The following HECW1 variants were observed in gnomAD, a reference collection of about 807,000 sequenced individuals.
The protein encoded by HECW1 is HECT, C2 and WW domain containing E3 ubiquitin protein ligase 1.
HECW1 carries 61 observed loss-of-function variants against 182.3 expected under a neutral mutation model. That is an observed-to-expected ratio of 0.33 (90% CI 0.27 to 0.41). HECW1 has a LOEUF of 0.41. Ranked by LOEUF, HECW1 falls within the 10% of genes least tolerant of loss-of-function variation. The probability of loss-of-function intolerance (pLI) is 1.00; values close to 1 mark genes in which losing one functional copy is unlikely to be tolerated. For missense variants in HECW1, 1,739 were observed against 2,108.9 expected (o/e 0.82, Z 3.44); for synonymous variants, 859 against 832.6 (o/e 1.03, Z -0.55).
At chr7:43,412,813 A>C (rs1312342377) in intron 8 of HECW1, among the ~76,000 whole-genome samples, 1 of 151,004 alleles carries the variant, frequency 6.6e-6, no homozygotes, top group Non-Finnish European at 1.5e-5. Flanking sequence ...ATAGTATTCC[A>C]TGGTGTATAA....
intron 2 of HECW1, among the ~76,000 whole-genome samples, chr7:43,134,361 T>A (rs1787289508): frequency 8.5e-6 from 1 of 117,096 alleles, no homozygotes; most frequent in Non-Finnish European, 1.6e-5. Context: ...ACCATTGCAC[T>A]CCAGTGTGGG....
intron 5 of HECW1, among the ~76,000 whole-genome samples, chr7:43,348,362 T>G (rs1424221783): frequency 6.6e-6 from 1 of 152,202 alleles, no homozygotes; most frequent in African/African-American, 2.4e-5. Flanking sequence ...TTGTAATATC[T>G]CCTGTTTCAT....
At chr7:43,556,049 C>A (rs969016333) in intron 29 of HECW1, among the ~76,000 whole-genome samples, 56 of 152,148 alleles carry the variant, frequency 3.7e-4, no homozygotes, top group African/African-American at 1.3e-3. Flanking sequence ...TGGGAACCTG[C>A]AATCTAGGGA....
At chr7:43,145,297 C>G (rs1788581918) in intron 2 of HECW1, among the ~76,000 whole-genome samples, 1 of 152,094 alleles carries the variant, frequency 6.6e-6, no homozygotes, top group African/African-American at 2.4e-5. Context: ...TTCCTTCTTT[C>G]ATACACGTAT....
chr7:43,336,152 C>CTCTCTCTCTCTCTCTT (rs1812231684), intron 5 of HECW1, among the ~76,000 whole-genome samples: 1 of 64,136 alleles, frequency 1.6e-5, no homozygotes, highest in African/African-American at 6.8e-5. Flanking sequence ...CTTTCTCTCT[C>CTCTCTCTCTCTCTCTT]TCTCTCTCTC....
chr7:43,172,013 C>T (rs765457201), intron 2 of HECW1, among the ~76,000 whole-genome samples: 6 of 151,798 alleles, frequency 4.0e-5, no homozygotes, highest in Non-Finnish European at 7.4e-5. Flanking sequence ...CACAGTGGCT[C>T]ACATCTGTAA....
At chr7:43,185,277 C>T (rs1793286397) in intron 2 of HECW1, among the ~76,000 whole-genome samples, 1 of 152,146 alleles carries the variant, frequency 6.6e-6, no homozygotes, top group Non-Finnish European at 1.5e-5. Flanking sequence ...TGTGTCTCCT[C>T]CATCTAGCTG....
intron 2 of HECW1, among the ~76,000 whole-genome samples, chr7:43,123,482 A>T (rs1218684106): frequency 6.6e-6 from 1 of 152,184 alleles, no homozygotes. Flanking sequence ...GCCTTTTTCC[A>T]GGGGATCCAG....
At chr7:43,295,627 G>A (rs1464460947) in intron 3 of HECW1, among the ~76,000 whole-genome samples, 1 of 152,180 alleles carries the variant, frequency 6.6e-6, no homozygotes, top group African/African-American at 2.4e-5. Context: ...CCAAGGGGGA[G>A]GGGAGGAGTG....
chr7:43,354,956 T>C (rs186649557), intron 5 of HECW1, among the ~76,000 whole-genome samples: 1 of 151,414 alleles, frequency 6.6e-6, no homozygotes, highest in East Asian at 1.9e-4. Flanking sequence ...CTCCAGTTCA[T>C]CAGGCAGCAG....
intron 29 of HECW1, among the ~76,000 whole-genome samples, chr7:43,556,112 C>G (rs758810293): frequency 5.9e-5 from 9 of 152,140 alleles, no homozygotes; most frequent in Non-Finnish European, 1.3e-4. Context: ...CAGAGGAGCA[C>G]AGGGGGTAAG....
intron 6 of HECW1, among the ~76,000 whole-genome samples, chr7:43,363,015 C>T (rs1359478941): frequency 1.3e-5 from 2 of 152,218 alleles, no homozygotes; most frequent in Non-Finnish European, 2.9e-5. Context: ...ACCTGAAGCA[C>T]TTTTTCTTAT....
chr7:43,219,113 G>T (rs1796722369), intron 2 of HECW1, among the ~76,000 whole-genome samples: 2 of 151,858 alleles, frequency 1.3e-5, no homozygotes, highest in Admixed American at 1.3e-4. Context: ...CTTTTAGTAT[G>T]CAAATACAGG....
At chr7:43,351,371 A>G (rs993338233) in intron 5 of HECW1, among the ~76,000 whole-genome samples, 5 of 152,076 alleles carry the variant, frequency 3.3e-5, no homozygotes, top group African/African-American at 9.7e-5. Flanking sequence ...CTTTCCAGAG[A>G]GTTTCGGCTG....
At chr7:43,315,926 G>A (rs983631048) in intron 4 of HECW1, among the ~76,000 whole-genome samples, 1 of 152,166 alleles carries the variant, frequency 6.6e-6, no homozygotes, top group African/African-American at 2.4e-5. Flanking sequence ...TCTGATGGGT[G>A]TAGGAGACCT....
chr7:43,171,582 A>T (rs1791695512), intron 2 of HECW1, among the ~76,000 whole-genome samples: 1 of 152,202 alleles, frequency 6.6e-6, no homozygotes, highest in Admixed American at 6.5e-5. Context: ...AACCATTTCA[A>T]TACAATAGGT....
intron 26 of HECW1, among the ~76,000 whole-genome samples, chr7:43,549,277 G>A (rs1446919828): frequency 1.3e-5 from 2 of 152,210 alleles, no homozygotes; most frequent in African/African-American, 4.8e-5. Context: ...TGGATGCTGG[G>A]TGGTAACAAG....
At chr7:43,556,473 GC>G (rs2082026160) in intron 29 of HECW1, among the ~76,000 whole-genome samples, 1 of 152,134 alleles carries the variant, frequency 6.6e-6, no homozygotes, top group African/African-American at 2.4e-5. Flanking sequence ...GATAGCTTGC[GC>G]CCAAGAGTTC....
chr7:43,190,304 G>A (rs974430894), intron 2 of HECW1, among the ~76,000 whole-genome samples: 3 of 152,132 alleles, frequency 2.0e-5, no homozygotes, highest in African/African-American at 4.8e-5. Context: ...AGTAGAGATG[G>A]GGTTTTACCA....
Sources: allele counts gnomAD v4.1 joint callset (sites outside exome capture counted in the v4.1 genomes callset), GRCh38; gene constraint gnomAD v4.1.1; transcripts MANE v1.5; gene names NCBI Gene and HGNC (gene_info 2026-07-23, HGNC 2026-07-21).